AP5M1: variants seen among roughly 807,000 people sequenced by gnomAD.
AP5M1 encodes the protein adaptor related protein complex 5 subunit mu 1.
Under a neutral mutation model 52.3 loss-of-function variants are expected in AP5M1, and 44 were observed. That is an observed-to-expected ratio of 0.84 (90% CI 0.66 to 1.08). The LOEUF (loss-of-function observed/expected upper bound fraction) is 1.08, where lower values mean the gene tolerates loss of function less well. Among genes scored for constraint, AP5M1 ranks in the 50% least tolerant of loss-of-function variants. The probability of loss-of-function intolerance (pLI) is 0.00; values close to 1 mark genes in which losing one functional copy is unlikely to be tolerated. For synonymous variants in AP5M1, 213 were observed against 199.0 expected, an observed-to-expected ratio of 1.07 and a Z score of -0.59; for missense variants, 526 against 568.4, an observed-to-expected ratio of 0.93 and a Z score of 0.76.
Position 57,280,999 on chromosome 14 carries a change from G to T in AP5M1, c.948+577G>T, listed in dbSNP as rs78984080. Reference sequence around the variant, plus strand: ...ATGGTCATGGGATAGATTTTGGTATGATTTAGTCATGATTTTAACCATGAA... The same window carrying T: ...ATGGTCATGGGATAGATTTTGGTATTATTTAGTCATGATTTTAACCATGAA... On this transcript the variant is annotated intron_variant, in intron 3 of 7. Transcript: ENST00000261558. 8.3e-3 allele frequency among the ~76,000 whole-genome samples: 1,268 copies of T among 152,040 alleles called. 30 individuals carry two copies. The highest frequency in any genetic ancestry group is 0.028 in the African/African-American group (1,156 of 41,460).
chr14:57,274,647 C>T lies in AP5M1; in HGVS notation c.478C>T (p.Pro160Ser). Residue 160 changes from proline (P) to serine (S), a missense_variant, in exon 2 of 8, where the codon CCT becomes TCT. Pro to Ser is a moderately conservative substitution (Grantham distance 74). This residue lies in a region of AP5M1 where 425 missense variants were observed against 430.6 expected (regional missense o/e 0.99). Coordinates refer to ENST00000261558, the MANE Select transcript of AP5M1 (RefSeq NM_018229.4). ...SELNTKLSQL[P>S]DLLLQACPFG... is the part of the protein sequence containing the mutation. ...GCTGAATACAAAATTGAGCCAGTTG[C>T]CTGACTTGCTTCTGCAGGCTTGTCC... is the stretch of plus-strand genomic sequence containing the variant. 6.2e-7 allele frequency: 1 copy of T among 1,614,164 alleles called. No homozygotes were observed.
chr14:57,290,143 G>A lies in AP5M1; in HGVS notation c.*1259G>A, dbSNP rs1885406958. The A allele has an allele frequency of 6.6e-6, 1 of 151,898 alleles. No individual in the cohort carries two copies. The highest frequency in any genetic ancestry group is 1.5e-5 in the Non-Finnish European group (1 of 67,890). The allele number at this position is 151,898 out of a possible 1,614,324, so 9.4% of individuals were successfully genotyped here. ...GCTTAGAAAAGCTGCTAACTCCTCAGAAGAAAGCATGATAGTTTAAAGGTA... is the reference window on the plus strand; with the variant it reads ...GCTTAGAAAAGCTGCTAACTCCTCAAAAGAAAGCATGATAGTTTAAAGGTA... On this transcript the variant is annotated 3_prime_UTR_variant, in exon 8 of 8. Transcript: ENST00000261558.
chr14:57,274,140 ATTG>A (rs1884959372), intron 1 of AP5M1, 101 bp from the exon 2 acceptor site: 1 of 1,263,256 alleles, frequency 7.9e-7, no homozygotes, highest in Non-Finnish European at 1.1e-6. Flanking sequence ...CGTGTATTTT[ATTG>A]TTATTACTGT....
intron 1 of AP5M1, among the ~76,000 whole-genome samples, chr14:57,272,924 C>G (rs1446341063): frequency 6.6e-6 from 1 of 151,688 alleles, no homozygotes; most frequent in African/African-American, 2.4e-5. Flanking sequence ...TGGTGTTTTT[C>G]TTTTTGTTTG....
In AP5M1 at chr14:57,283,203, T is replaced by A; in HGVS notation, c.1266T>A (p.Ile422=). Residue 422 remains isoleucine (I), a synonymous_variant, in exon 6 of 8, where the codon ATT becomes ATA. Transcript: ENST00000261558. ...KSHEKQPFDP[I]CTGETAYLKL... ...ATGAGAAGCAGCCATTTGACCCAAT[T>A]TGTACTGGAGAAACAGCATATTTAA... is the stretch of plus-strand genomic sequence containing the variant. The A allele has an allele frequency of 6.2e-7, 1 of 1,612,676 alleles. No homozygotes were observed.
At chr14:57,272,734 A>G (rs1181126932) in intron 1 of AP5M1, among the ~76,000 whole-genome samples, 1 of 152,198 alleles carries the variant, frequency 6.6e-6, no homozygotes, top group African/African-American at 2.4e-5. Flanking sequence ...TCTACTATTC[A>G]TATACAGAGA....
chr14:57,277,874 A>G (rs547971706), intron 2 of AP5M1, among the ~76,000 whole-genome samples: 1 of 152,186 alleles, frequency 6.6e-6, no homozygotes, highest in East Asian at 1.9e-4. Flanking sequence ...CTTGCTTTCA[A>G]AGAATTTAAA....
chr14:57,283,251 C>A, intron 6 of AP5M1, 21 bp downstream of exon 6: 1 of 1,365,332 alleles, frequency 7.3e-7, no homozygotes, highest in South Asian at 1.2e-5. Context: ...TTATACAGCT[C>A]ACTACAGTAG....
rs1885537271 is a variant in AP5M1, at chr14:57,295,717, A to T, written c.*6833A>T. On this transcript the variant is annotated 3_prime_UTR_variant, in exon 8 of 8. Coordinates refer to ENST00000261558, the MANE Select transcript of AP5M1 (RefSeq NM_018229.4). ...TTGTCTCTAGGAAATATATTCCATT[A>T]AAAAAAAAAAGAAAGAAACTCATTT... is the stretch of plus-strand genomic sequence containing the variant. 1 of 138,414 alleles carries T rather than the reference A, an allele frequency of 7.2e-6. No homozygotes were observed. The highest frequency in any genetic ancestry group is 1.6e-5 in the Non-Finnish European group (1 of 61,872). The allele number at this position is 138,414 out of a possible 1,614,324, so 8.6% of individuals were successfully genotyped here. A position where few individuals can be genotyped will look rare whatever the true frequency, so the allele number is the denominator to read the frequency against.
At chr14:57,281,569 T>A (rs17093053) in intron 3 of AP5M1, among the ~76,000 whole-genome samples, 3,879 of 152,362 alleles carry the variant, frequency 0.025, 163 homozygotes, top group African/African-American at 0.088. Context: ...TTTCTCTGCT[T>A]ACACATGACC....
At position 57,297,702 on chromosome 14, in the gene AP5M1, A is replaced by G. The variant is rs1885580970; in HGVS notation, c.*8818A>G. 1 of 152,106 alleles carries G rather than the reference A, an allele frequency of 6.6e-6. No homozygotes were observed. Among genetic ancestry groups the G allele is most frequent in the Admixed American group, 6.6e-5 (1 of 15,248 alleles). 9.4% of individuals were successfully genotyped at this position (152,106 alleles called of 1,614,324 possible). On this transcript the variant is annotated 3_prime_UTR_variant, in exon 8 of 8. Transcript: ENST00000261558. ...TAATATTTCAAACTTCTTGTGGACAATGACATTCATTTTCATACCTTTATA... is the reference window on the plus strand; with the variant it reads ...TAATATTTCAAACTTCTTGTGGACAGTGACATTCATTTTCATACCTTTATA...
intron 2 of AP5M1, among the ~76,000 whole-genome samples, chr14:57,277,018 C>T (rs1017199198): frequency 3.3e-5 from 5 of 152,092 alleles, no homozygotes; most frequent in African/African-American, 1.2e-4. Context: ...GAGCCAAAGG[C>T]CAGTGGTCCA....
Position 57,280,257 on chromosome 14 carries a change from T to A in AP5M1, c.783T>A (p.Ser261=). 6.2e-7 allele frequency: 1 copy of A among 1,614,130 alleles called. No homozygotes were observed. Among genetic ancestry groups the A allele is most frequent in the Non-Finnish European group, 8.5e-7 (1 of 1,179,990 alleles). The change falls in exon 3 of 8, where the codon TCT becomes TCA. Residue 261 remains serine (S), a synonymous_variant. Coordinates refer to ENST00000261558, the MANE Select transcript of AP5M1 (RefSeq NM_018229.4). ...TISLSLPTNG[S]PLQDILVHPC... Reference sequence around the variant, plus strand: ...GCTTGAGTCTCCCCACCAATGGATCTCCACTTCAGGATATTCTAGTTCACC... The same window carrying A: ...GCTTGAGTCTCCCCACCAATGGATCACCACTTCAGGATATTCTAGTTCACC...
At chr14:57,284,473 C>T (rs965763716) in intron 6 of AP5M1, among the ~76,000 whole-genome samples, 1 of 151,944 alleles carries the variant, frequency 6.6e-6, no homozygotes, top group African/African-American at 2.4e-5. Context: ...AAATTAGAGA[C>T]AAGCCATTCT....
chr14:57,284,170 T>C (rs950427864), intron 6 of AP5M1, among the ~76,000 whole-genome samples: 1 of 152,200 alleles, frequency 6.6e-6, no homozygotes, highest in African/African-American at 2.4e-5. Flanking sequence ...AGCCAAACTC[T>C]GAGGCCTAGT....
chr14:57,277,240 A>G (rs1313223578), intron 2 of AP5M1, among the ~76,000 whole-genome samples: 1 of 152,002 alleles, frequency 6.6e-6, no homozygotes, highest in African/African-American at 2.4e-5. Flanking sequence ...TTCTCAACCT[A>G]TAGTAAATAA....
chr14:57,282,604 C>T (rs980383649), intron 4 of AP5M1, among the ~76,000 whole-genome samples: 1 of 152,108 alleles, frequency 6.6e-6, no homozygotes, highest in Admixed American at 6.5e-5. Flanking sequence ...TAAATTTATT[C>T]TGTAGCATAG....
In AP5M1 at chr14:57,291,440, G is replaced by A. The variant is rs955022910; in HGVS notation, c.*2556G>A. 1 of 151,598 alleles carries A rather than the reference G, an allele frequency of 6.6e-6. No homozygotes were observed. The highest frequency in any genetic ancestry group is 2.4e-5 in the African/African-American group (1 of 41,334). The allele number at this position is 151,598 out of a possible 1,614,324, so 9.4% of individuals were successfully genotyped here. On this transcript the variant is annotated 3_prime_UTR_variant, in exon 8 of 8. Transcript: ENST00000261558. Reference sequence around the variant, plus strand: ...AAAGATCGTTCATGATTTTGTAAACGCTTCTTTTCTCCATTTTTTACTAAA... The same window carrying A: ...AAAGATCGTTCATGATTTTGTAAACACTTCTTTTCTCCATTTTTTACTAAA...
intron 6 of AP5M1, among the ~76,000 whole-genome samples, chr14:57,285,551 T>A (rs1175790943): frequency 6.6e-6 from 1 of 152,038 alleles, no homozygotes; most frequent in Non-Finnish European, 1.5e-5. Flanking sequence ...AAAAAAAAAA[T>A]TGCTGAGAAG....
Sources: gnomAD v4.1 joint callset for allele counts (sites outside exome capture counted in the v4.1 genomes callset) on GRCh38, gnomAD v4.1.1 for gene constraint, gnomAD v4.1.1 regional missense constraint, MANE v1.5 for transcripts, NCBI Gene and HGNC (gene_info 2026-07-23, HGNC 2026-07-21) for gene names.